Variants in CEMIP2 observed in about 807,000 individuals in gnomAD.
CEMIP2 encodes the protein cell migration inducing hyaluronidase 2.
A neutral mutation model predicts 146.9 loss-of-function variants in CEMIP2; 79 were observed. That is an observed-to-expected ratio of 0.54 (90% CI 0.45 to 0.65). CEMIP2 has a LOEUF of 0.65. Among genes scored for constraint, CEMIP2 ranks in the 30% least tolerant of loss-of-function variants. The pLI is 0.00. For missense variants in CEMIP2, 1,596 were observed against 1,696.2 expected (o/e 0.94, Z 1.04); for synonymous variants, 601 against 606.3 (o/e 0.99, Z 0.13).
intron 1 of CEMIP2, among the ~76,000 whole-genome samples, chr9:71,753,851 T>C (rs975769820): frequency 6.6e-6 from 1 of 152,244 alleles, no homozygotes; most frequent in Non-Finnish European, 1.5e-5. Context: ...ATTCATTCAG[T>C]AAGCTAATTG....
chr9:71,742,866 C>A (rs916790700), intron 4 of CEMIP2, among the ~76,000 whole-genome samples: 7 of 152,194 alleles, frequency 4.6e-5, no homozygotes, highest in African/African-American at 1.7e-4. Context: ...GAAAGCCACT[C>A]AGATGGCCAC....
chr9:71,740,204 C>G lies in CEMIP2; in HGVS notation c.1063G>C (p.Asp355His). The change falls in exon 5 of 24, where the codon GAT (aspartate) becomes CAT (histidine). Residue 355 changes from aspartate (D) to histidine (H), a missense_variant. By Grantham distance (81) the Asp-to-His change is moderately conservative (BLOSUM62 -1). Coordinates refer to ENST00000377044, the MANE Select transcript of CEMIP2 (RefSeq NM_013390.3). ...RQAWALVGVI[D>H]GGSTSCNESV... The stretch of plus-strand genomic sequence containing the variant: ...TCATTGCAAGAAGTGCTTCCACCAT[C>G]AATGACACCAACTAAAGCCCAAGCT... 6.2e-7 allele frequency: 1 copy of G among 1,613,822 alleles called. No individual in the cohort carries two copies. Among genetic ancestry groups the G allele is most frequent in the Non-Finnish European group, 8.5e-7 (1 of 1,180,004 alleles).
intron 1 of CEMIP2, 107 bp from the exon 2 acceptor site, chr9:71,750,492 A>G: frequency 1.2e-6 from 1 of 856,458 alleles, no homozygotes; most frequent in Non-Finnish European, 1.7e-6. Flanking sequence ...CCCACACTGG[A>G]GTGCAATGGC....
intron 11 of CEMIP2, 58 bp downstream of exon 11, chr9:71,725,523 T>C (rs1823356900): frequency 1.3e-6 from 2 of 1,540,196 alleles, no homozygotes; most frequent in Admixed American, 1.8e-5. Context: ...ATAATCACAA[T>C]AGTTCATCCT....
chr9:71,727,931 G>A (rs1823438928), intron 10 of CEMIP2, among the ~76,000 whole-genome samples: 1 of 151,912 alleles, frequency 6.6e-6, no homozygotes, highest in Admixed American at 6.6e-5. Context: ...CGTGGTGGCA[G>A]GGGCCTGTAA....
At chr9:71,696,997 G>C (rs949123625) in intron 20 of CEMIP2, among the ~76,000 whole-genome samples, 1 of 152,066 alleles carries the variant, frequency 6.6e-6, no homozygotes, top group Non-Finnish European at 1.5e-5. Flanking sequence ...CATATTAATA[G>C]GCAGTATGCA....
At chr9:71,748,884 C>A (rs1353530466) in intron 2 of CEMIP2, among the ~76,000 whole-genome samples, 1 of 152,120 alleles carries the variant, frequency 6.6e-6, no homozygotes, top group Non-Finnish European at 1.5e-5. Context: ...ATTTGTAAGT[C>A]TTATAAGTAG....
At chr9:71,699,770 C>T (rs1263511650) in intron 19 of CEMIP2, among the ~76,000 whole-genome samples, 2 of 152,134 alleles carry the variant, frequency 1.3e-5, no homozygotes, top group Non-Finnish European at 2.9e-5. Context: ...CTTCTTTTTC[C>T]ATCTCCTCCT....
chr9:71,699,619 C>T (rs776199094), intron 19 of CEMIP2, among the ~76,000 whole-genome samples: 85 of 152,246 alleles, frequency 5.6e-4, no homozygotes, highest in Middle Eastern at 6.8e-3. Flanking sequence ...AACTGAGCCC[C>T]GACTTCATTC....
rs1564033372 is a variant in CEMIP2, at chr9:71,768,503, C to A, written c.-159G>T. On this transcript the variant is annotated 5_prime_UTR_variant, in exon 1 of 24. Coordinates refer to ENST00000377044, the MANE Select transcript of CEMIP2 (RefSeq NM_013390.3). ...ATTGCCGGCGCCCGCAGCTGCCGCT[C>A]GTACTCAACTGGCAGCCGCAGCCTC... is the stretch of plus-strand genomic sequence containing the variant. 2 of 152,374 alleles carry A rather than the reference C, an allele frequency of 1.3e-5. No homozygotes were observed. Among genetic ancestry groups the A allele is most frequent in the Admixed American group, 6.5e-5 (1 of 15,284 alleles). 9.4% of individuals were successfully genotyped at this position (152,374 alleles called of 1,614,324 possible). A position where few individuals can be genotyped will look rare whatever the true frequency, so the allele number is the denominator to read the frequency against.
At chr9:71,728,237 A>ATATACG (rs1823460032) in intron 10 of CEMIP2, among the ~76,000 whole-genome samples, 1 of 35,958 alleles carries the variant, frequency 2.8e-5, no homozygotes, top group Non-Finnish European at 7.0e-5. Flanking sequence ...CTCTCTATAT[A>ATATACG]TATATATATA....
intron 2 of CEMIP2, among the ~76,000 whole-genome samples, chr9:71,746,917 T>G (rs1456184674): frequency 6.6e-6 from 1 of 152,144 alleles, no homozygotes; most frequent in Admixed American, 6.5e-5. Context: ...GCTAAAGACA[T>G]AACTTCTCAT....
Position 71,734,963 on chromosome 9 carries a change from A to G in CEMIP2, c.1236T>C (p.Val412=). The G allele has an allele frequency of 6.2e-7, 1 of 1,613,570 alleles. No homozygotes were observed. Among genetic ancestry groups the G allele is most frequent in the Non-Finnish European group, 8.5e-7 (1 of 1,179,922 alleles). Residue 412 remains valine (V), a synonymous_variant, in exon 6 of 24, where the codon GTT becomes GTC. Transcript: ENST00000377044. ...GCAAATTTAGCTTCACTCCATCTAC[A>G]ACCTCTACCCGGAATCCTGAAAGAG... The part of the protein sequence containing the change: ...GVSLSGFRVE[V]VDGVKLNLLD...
At chr9:71,750,608 AT>A (rs560628836) in intron 1 of CEMIP2, among the ~76,000 whole-genome samples, 9,999 of 141,030 alleles carry the variant, frequency 0.071, 462 homozygotes, top group South Asian at 0.2. Flanking sequence ...CGCCCAGCTA[AT>A]TTTTTTTTTT....
intron 1 of CEMIP2, 55 bp from the exon 2 acceptor site, chr9:71,750,440 CT>C: frequency 8.0e-7 from 1 of 1,249,636 alleles, no homozygotes; most frequent in Non-Finnish European, 1.1e-6. Context: ...TTTTTAATTT[CT>C]TTTATTTATT....
At chr9:71,755,655 T>C (rs1824414375) in intron 1 of CEMIP2, among the ~76,000 whole-genome samples, 1 of 152,138 alleles carries the variant, frequency 6.6e-6, no homozygotes, top group Admixed American at 6.6e-5. Flanking sequence ...CCATGAACCC[T>C]TCTCAAGTTT....
intron 20 of CEMIP2, among the ~76,000 whole-genome samples, chr9:71,696,267 T>C (rs1536863): frequency 0.1 from 15,941 of 152,106 alleles, 2,365 homozygotes; most frequent in African/African-American, 0.33. Flanking sequence ...CTGGAAAATT[T>C]ACTTCCCCAC....
At chr9:71,716,669 A>G (rs1367984514) in intron 13 of CEMIP2, 117 bp from the exon 14 acceptor site, 2 of 746,206 alleles carry the variant, frequency 2.7e-6, no homozygotes, top group African/African-American at 3.7e-5. Context: ...TACTCTCTAC[A>G]TGACCACACA....
At chr9:71,705,410 A>C (rs1822704722) in intron 17 of CEMIP2, among the ~76,000 whole-genome samples, 1 of 152,174 alleles carries the variant, frequency 6.6e-6, no homozygotes, top group Non-Finnish European at 1.5e-5. Flanking sequence ...TGCCAAAACA[A>C]AGCCATCCCC....
Sources: gnomAD v4.1 joint callset for allele counts (sites outside exome capture counted in the v4.1 genomes callset) on GRCh38, gnomAD v4.1.1 for gene constraint, MANE v1.5 for transcripts, NCBI Gene and HGNC (gene_info 2026-07-23, HGNC 2026-07-21) for gene names.